UGT2B15: variants seen among roughly 807,000 people sequenced by gnomAD.
UGT2B15 encodes the protein UDP glucuronosyltransferase family 2 member B15.
In UGT2B15, 36 loss-of-function variants were observed where a neutral mutation model predicts 45.9. That is an observed-to-expected ratio of 0.78 (90% CI 0.60 to 1.04). UGT2B15 has a LOEUF of 1.04. Ranked by LOEUF, UGT2B15 falls within the 50% of genes least tolerant of loss-of-function variation. The probability of loss-of-function intolerance (pLI) is 0.00; values close to 1 mark genes in which losing one functional copy is unlikely to be tolerated. For synonymous variants in UGT2B15, 219 were observed against 216.4 expected (o/e 1.01, Z -0.11); for missense variants, 617 against 622.4 (o/e 0.99, Z 0.09).
intron 3 of UGT2B15, among the ~76,000 whole-genome samples, chr4:68,660,326 A>G (rs1345875293): frequency 6.6e-6 from 1 of 151,058 alleles, no homozygotes; most frequent in East Asian, 1.9e-4. Flanking sequence ...ACTTTCTGAC[A>G]GGCCCAGGAG....
chr4:68,659,194 C>T (rs1297272274), intron 3 of UGT2B15, among the ~76,000 whole-genome samples: 1 of 151,940 alleles, frequency 6.6e-6, no homozygotes, highest in Non-Finnish European at 1.5e-5. Context: ...AATTGAGTCT[C>T]CTCTCTCAAA....
In UGT2B15 at chr4:68,670,293, T is replaced by C. The variant is rs1397750673; in HGVS notation, c.326A>G (p.Tyr109Cys). 1 of 1,614,064 alleles carries C rather than the reference T, an allele frequency of 6.2e-7. No individual in the cohort carries two copies. The highest frequency in any genetic ancestry group is 8.5e-7 in the Non-Finnish European group (1 of 1,179,980). Residue 109 changes from tyrosine (Y) to cysteine (C), a missense_variant, in exon 1 of 6, where the codon TAT (tyrosine) becomes TGT (cysteine). Around this residue, in one of 3 missense-constraint regions of UGT2B15, gnomAD observed 351 missense variants for 342.1 expected, o/e 1.03. Coordinates refer to ENST00000338206, the MANE Select transcript of UGT2B15 (RefSeq NM_001076.4). ...YGVSKNTFWS[Y>C]FSQLQELCWE... ...ACACAATTCTTGTAATTGTGAAAAA[T>C]ATGACCAAAATGTATTTTTTGAAAC...
intron 2 of UGT2B15, 33 bp from the exon 3 acceptor site, chr4:68,663,172 A>T (rs62298394): frequency 0.19 from 301,335 of 1,567,922 alleles, 22,513 homozygotes; most frequent in Non-Finnish European, 0.22. Context: ...ATCAGAAAAG[A>T]GCAACAGCAC....
At chr4:68,652,494 G>C (rs1034644101) in intron 5 of UGT2B15, among the ~76,000 whole-genome samples, 1 of 150,286 alleles carries the variant, frequency 6.7e-6, no homozygotes, top group Non-Finnish European at 1.5e-5. Context: ...ATCATTTCTT[G>C]TCTTACTAAT....
At chr4:68,666,954 C>A (rs1462405045) in intron 2 of UGT2B15, among the ~76,000 whole-genome samples, 1 of 151,592 alleles carries the variant, frequency 6.6e-6, no homozygotes, top group Non-Finnish European at 1.5e-5. Context: ...ACCATGCTGG[C>A]CACTCTGGTC....
At chr4:68,650,995 G>GTTTT (rs376333738) in intron 5 of UGT2B15, among the ~76,000 whole-genome samples, 4 of 117,572 alleles carry the variant, frequency 3.4e-5, no homozygotes, top group South Asian at 2.8e-4. Context: ...TGATGGTGTT[G>GTTTT]TTTTTTTTTT....
chr4:68,653,430 A>G (rs1344920593), intron 5 of UGT2B15, among the ~76,000 whole-genome samples: 1 of 152,054 alleles, frequency 6.6e-6, no homozygotes, highest in African/African-American at 2.4e-5. Context: ...AAATATGTGA[A>G]GAGAATAATC....
At chr4:68,661,116 G>C (rs1578198405) in intron 3 of UGT2B15, among the ~76,000 whole-genome samples, 1 of 152,004 alleles carries the variant, frequency 6.6e-6, no homozygotes, top group East Asian at 1.9e-4. Context: ...CCTGAGACCA[G>C]AGACTCATTT....
intron 3 of UGT2B15, among the ~76,000 whole-genome samples, chr4:68,659,589 G>A (rs1414638642): frequency 6.6e-6 from 1 of 151,898 alleles, no homozygotes; most frequent in Non-Finnish European, 1.5e-5. Context: ...TTAAGTTATT[G>A]TGTGCCACAG....
intron 5 of UGT2B15, among the ~76,000 whole-genome samples, chr4:68,649,399 C>T (rs1464863988): frequency 6.9e-6 from 1 of 145,828 alleles, no homozygotes; most frequent in South Asian, 2.2e-4. Context: ...ATGCCTCAAT[C>T]TCCCAAGTAT....
At position 68,647,221 on chromosome 4, in the gene UGT2B15, CAA is replaced by C; in HGVS notation, c.1474_1475del (p.Leu492GlyfsTer45). The C allele has an allele frequency of 6.2e-7, 1 of 1,613,912 alleles. No homozygotes were observed. On this transcript the variant is annotated frameshift_variant, in exon 6 of 6. Transcript: ENST00000338206. LOFTEE classifies it low-confidence loss of function (END_TRUNC). ...HNLTWIQYHS[L>X]DVIAFLLACV... is the part of the protein sequence containing the mutation. The stretch of plus-strand genomic sequence containing the variant: ...AGGCCAGCAGGAATGCTATCACATC[CAA>C]AGAGTGGTACTGGATCCAGGTGAGG...
intron 3 of UGT2B15, among the ~76,000 whole-genome samples, chr4:68,661,037 T>C (rs1023684896): frequency 3.9e-5 from 6 of 152,076 alleles, no homozygotes; most frequent in African/African-American, 1.4e-4. Flanking sequence ...CTACTAAAAA[T>C]GAACTTTCCT....
chr4:68,661,611 T>C (rs1178428642), intron 3 of UGT2B15, among the ~76,000 whole-genome samples: 2 of 152,110 alleles, frequency 1.3e-5, no homozygotes, highest in Non-Finnish European at 2.9e-5. Flanking sequence ...GAATTTGACA[T>C]CATTGATTAC....
rs1298611614 is a variant in UGT2B15, at chr4:68,647,345, T to C, written c.1352A>G (p.His451Arg). ...ENVMKLSRIH[H>R]DQPMKPLDRA... is the part of the protein sequence containing the mutation. ...ATCCAGGGGCTTCATTGGTTGGTCA[T>C]GATGAATTCTTGATAATTTCATGAC... Residue 451 changes from histidine to arginine, a missense_variant, in exon 6 of 6, where the codon CAT (histidine) becomes CGT (arginine). Transcript: ENST00000338206. 3 of 1,613,674 alleles carry C rather than the reference T, an allele frequency of 1.9e-6. No homozygotes were observed. Among genetic ancestry groups the C allele is most frequent in the Admixed American group, 3.3e-5 (2 of 59,976 alleles).
chr4:68,669,006 T>C (rs1733222895), intron 1 of UGT2B15, among the ~76,000 whole-genome samples: 1 of 151,646 alleles, frequency 6.6e-6, no homozygotes, highest in South Asian at 2.1e-4. Context: ...CAGGAAGTAC[T>C]CTAGTGTCTA....
intron 5 of UGT2B15, among the ~76,000 whole-genome samples, chr4:68,653,106 G>A (rs1460690686): frequency 1.3e-5 from 2 of 151,996 alleles, no homozygotes; most frequent in African/African-American, 2.4e-5. Context: ...CAGTTTAGCA[G>A]TTCTTCATAA....
In UGT2B15 at chr4:68,666,750, A is replaced by ATTTTTT. The variant is rs1327859346; in HGVS notation, c.873+1289_873+1290insAAAAAA. Among the ~76,000 whole-genome samples, 872 of 120,484 alleles carry ATTTTTT rather than the reference A, an allele frequency of 7.2e-3. 9 individuals carry two copies. The highest frequency in any genetic ancestry group is 0.021 in the African/African-American group (710 of 33,158). 79.0% of individuals were successfully genotyped at this position (120,484 alleles called of 152,430 possible). Reference sequence around the variant, plus strand: ...TCAAATTACATATATATATATATATATATTTTTTTTTTTTGAGACAGATTC... The same window carrying ATTTTTT: ...TCAAATTACATATATATATATATATATTTTTTTATTTTTTTTTTTTGAGACAGATTC... On this transcript the variant is annotated intron_variant, in intron 2 of 5. Transcript: ENST00000338206.
chr4:68,658,195 T>A (rs1263774174), intron 3 of UGT2B15, among the ~76,000 whole-genome samples: 3 of 151,864 alleles, frequency 2.0e-5, no homozygotes, highest in Admixed American at 1.3e-4. Context: ...GCATGCTTAA[T>A]GTGTGTATGT....
intron 5 of UGT2B15, 98 bp downstream of exon 5, chr4:68,653,939 C>G (rs1177686328): frequency 1.4e-6 from 2 of 1,462,768 alleles, no homozygotes; most frequent in Admixed American, 3.8e-5. Flanking sequence ...CACTTCAATC[C>G]CTTCAAAATT....
Sources: gnomAD v4.1 joint callset for allele counts (sites outside exome capture counted in the v4.1 genomes callset) on GRCh38, gnomAD v4.1.1 for gene constraint, gnomAD v4.1.1 regional missense constraint, MANE v1.5 for transcripts, NCBI Gene and HGNC (gene_info 2026-07-23, HGNC 2026-07-21) for gene names.